The following SLC14A2 variants were observed in gnomAD, a reference collection of about 807,000 sequenced individuals.
SLC14A2 encodes the protein urea transporter 2.
In SLC14A2, 91 loss-of-function variants were observed where a neutral mutation model predicts 104.6. The observed-to-expected ratio is 0.87, with a 90% CI of 0.73 to 1.04. SLC14A2 has a LOEUF of 1.04. Ranked by LOEUF, SLC14A2 falls within the 50% of genes least tolerant of loss-of-function variation. The probability of loss-of-function intolerance (pLI) is 0.00; values close to 1 mark genes in which losing one functional copy is unlikely to be tolerated. For synonymous variants in SLC14A2, 476 were observed against 466.4 expected, an observed-to-expected ratio of 1.02 and a Z score of -0.27; for missense variants, 1,189 against 1,156.0, an observed-to-expected ratio of 1.03 and a Z score of -0.41.
upstream of SLC14A2, among the ~76,000 whole-genome samples, chr18:45,613,179 C>T (rs1266784530): frequency 3.3e-5 from 5 of 152,220 alleles, no homozygotes; most frequent in South Asian, 2.1e-4. Context: ...GGACTACAGG[C>T]GCCCGCCACC....
At chr18:45,231,527 A>T (rs886755027) in intron 1 of SLC14A2, among the ~76,000 whole-genome samples, 6 of 152,190 alleles carry the variant, frequency 3.9e-5, no homozygotes, top group African/African-American at 1.4e-4. Flanking sequence ...TATCTTGATG[A>T]TTAAGCTAGT....
At chr18:45,229,167 T>A (rs781526903) in intron 1 of SLC14A2, among the ~76,000 whole-genome samples, 16 of 152,182 alleles carry the variant, frequency 1.1e-4, no homozygotes, top group Non-Finnish European at 1.3e-4. Flanking sequence ...GACACATGAC[T>A]CAAGTCTTAA....
intron 1 of SLC14A2, among the ~76,000 whole-genome samples, chr18:45,245,348 T>G (rs1428843246): frequency 6.6e-6 from 1 of 152,158 alleles, no homozygotes; most frequent in East Asian, 1.9e-4. Context: ...GTCTGTGAGG[T>G]CTCCACTGTG....
chr18:45,572,544 C>T (rs1445846464), intron 2 of SLC14A2, among the ~76,000 whole-genome samples: 2 of 152,164 alleles, frequency 1.3e-5, no homozygotes. Context: ...CATGTTTAAC[C>T]CTGGCATTCA....
chr18:45,609,615 C>T (rs559391965), intron 2 of SLC14A2, among the ~76,000 whole-genome samples: 1 of 152,292 alleles, frequency 6.6e-6, no homozygotes, highest in Non-Finnish European at 1.5e-5. Flanking sequence ...CCAGAGGGCC[C>T]ATGCTTCTGT....
intron 1 of SLC14A2, among the ~76,000 whole-genome samples, chr18:45,449,353 C>T (rs910209480): frequency 3.9e-5 from 6 of 152,172 alleles, no homozygotes; most frequent in African/African-American, 1.4e-4. Flanking sequence ...TCCCACATTC[C>T]ACCTCCTCTC....
At chr18:45,480,930 AAT>A (rs147910850) in intron 1 of SLC14A2, among the ~76,000 whole-genome samples, 9 of 150,548 alleles carry the variant, frequency 6.0e-5, no homozygotes, top group South Asian at 2.1e-4. Context: ...CAGTTTTTAA[AAT>A]ATATATATAT....
At chr18:45,361,418 C>A (rs1299779176) in intron 1 of SLC14A2, among the ~76,000 whole-genome samples, 1 of 152,130 alleles carries the variant, frequency 6.6e-6, no homozygotes, top group Admixed American at 6.5e-5. Flanking sequence ...TTTGGTCCTA[C>A]CCAGCTCCCA....
At chr18:45,420,092 C>G (rs1018527193) in intron 1 of SLC14A2, among the ~76,000 whole-genome samples, 1 of 152,204 alleles carries the variant, frequency 6.6e-6, no homozygotes, top group Non-Finnish European at 1.5e-5. Context: ...GAGATGTCAG[C>G]TATGGCTGTC....
chr18:45,584,460 T>C (rs2044540364), intron 2 of SLC14A2, among the ~76,000 whole-genome samples: 1 of 152,186 alleles, frequency 6.6e-6, no homozygotes, highest in Non-Finnish European at 1.5e-5. Flanking sequence ...CTGTAGCAGT[T>C]TTTTTCTCTG....
At chr18:45,196,470 A>T in the SLC14A2 span, among the ~76,000 whole-genome samples, 18,942 of 152,284 alleles carry the variant, frequency 0.12, 1,455 homozygotes, top group Middle Eastern at 0.22. Context: ...GGCCAAAGAA[A>T]TTATGCAGTA....
chr18:45,414,170 A>G (rs2086244207), intron 1 of SLC14A2, among the ~76,000 whole-genome samples: 1 of 152,212 alleles, frequency 6.6e-6, no homozygotes, highest in Admixed American at 6.5e-5. Flanking sequence ...ATTTATTATC[A>G]TATGGGTGGT....
intron 1 of SLC14A2, among the ~76,000 whole-genome samples, chr18:45,414,011 A>C (rs925976836): frequency 4.6e-5 from 7 of 152,220 alleles, no homozygotes; most frequent in African/African-American, 1.7e-4. Context: ...TGTGCCTCGT[A>C]CAAAAAAAGT....
At chr18:45,262,193 AAAC>A (rs1279953108) in intron 1 of SLC14A2, among the ~76,000 whole-genome samples, 2 of 152,216 alleles carry the variant, frequency 1.3e-5, no homozygotes, top group African/African-American at 4.8e-5. Context: ...AAATTAATAA[AAAC>A]AAAACATAAA....
chr18:45,342,304 G>C (rs572584898), intron 1 of SLC14A2, among the ~76,000 whole-genome samples: 42 of 152,318 alleles, frequency 2.8e-4, no homozygotes, highest in African/African-American at 9.6e-4. Flanking sequence ...GACGTTGCTG[G>C]ATAAGGGCTT....
chr18:45,231,250 T>C (rs755132162), intron 1 of SLC14A2, among the ~76,000 whole-genome samples: 16 of 152,198 alleles, frequency 1.1e-4, no homozygotes, highest in Non-Finnish European at 1.9e-4. Context: ...TCACCCAGGC[T>C]AGAGAGTGGT....
At chr18:45,172,340 T>C in the SLC14A2 span, among the ~76,000 whole-genome samples, 2 of 152,130 alleles carry the variant, frequency 1.3e-5, no homozygotes, top group South Asian at 2.1e-4. Context: ...GCATCATTAA[T>C]ACCATAAAAT....
intron 1 of SLC14A2, among the ~76,000 whole-genome samples, chr18:45,457,323 C>G (rs1177816633): frequency 6.6e-6 from 1 of 152,110 alleles, no homozygotes; most frequent in African/African-American, 2.4e-5. Context: ...CCCAGACGTA[C>G]AGCATCTCTG....
At chr18:45,533,279 G>C (rs1219036892) in intron 2 of SLC14A2, among the ~76,000 whole-genome samples, 1 of 152,190 alleles carries the variant, frequency 6.6e-6, no homozygotes. Context: ...AATGGTACCA[G>C]CTCCTCCTTG....
Sources: gnomAD v4.1 joint callset for allele counts (sites outside exome capture counted in the v4.1 genomes callset) on GRCh38, gnomAD v4.1.1 for gene constraint, MANE v1.5 for transcripts, NCBI Gene and HGNC (gene_info 2026-07-23, HGNC 2026-07-21) for gene names.